Variants in TNS3 observed in about 807,000 individuals in gnomAD.
TNS3 encodes tensin 3, also known as tensin-3.
A neutral mutation model predicts 140.9 loss-of-function variants in TNS3; 45 were observed. The ratio of observed to expected loss-of-function variants is 0.32; its 90% CI spans 0.25 to 0.41. TNS3 has a LOEUF of 0.41. Ranked by LOEUF, TNS3 falls within the 10% of genes least tolerant of loss-of-function variation. The probability of loss-of-function intolerance (pLI) is 1.00; values close to 1 mark genes in which losing one functional copy is unlikely to be tolerated. For missense variants in TNS3, 1,716 were observed against 1,906.7 expected (o/e 0.90, Z 1.86); for synonymous variants, 815 against 788.4 (o/e 1.03, Z -0.56).
At chr7:47,502,654 C>T (rs1798270047) in intron 3 of TNS3, among the ~76,000 whole-genome samples, 1 of 152,206 alleles carries the variant, frequency 6.6e-6, no homozygotes, top group Non-Finnish European at 1.5e-5. Flanking sequence ...AGCAGCAAGC[C>T]TATCACAAAG....
chr7:47,294,328 T>G (rs936269395), intron 24 of TNS3, among the ~76,000 whole-genome samples: 3 of 152,142 alleles, frequency 2.0e-5, no homozygotes, highest in African/African-American at 7.2e-5. Context: ...AAGCAAGCAC[T>G]CAGCTGCACG....
At chr7:47,344,592 C>T (rs1241292166) in intron 20 of TNS3, among the ~76,000 whole-genome samples, 163 bp downstream of exon 20, 2 of 152,268 alleles carry the variant, frequency 1.3e-5, no homozygotes, top group African/African-American at 4.8e-5. Flanking sequence ...TTCACGGCCA[C>T]ATCCCTACAT....
chr7:47,312,878 T>G (rs1333973641), intron 20 of TNS3, among the ~76,000 whole-genome samples: 1 of 151,812 alleles, frequency 6.6e-6, no homozygotes, highest in African/African-American at 2.4e-5. Context: ...TAAAGTATAA[T>G]AATAATAAAA....
chr7:47,529,129 T>G lies in TNS3; in HGVS notation c.-246A>C, dbSNP rs1490579132. 1 of 1,282,152 alleles carries G rather than the reference T, an allele frequency of 7.8e-7. No individual in the cohort carries two copies. Among genetic ancestry groups the G allele is most frequent in the Non-Finnish European group, 1.0e-6 (1 of 986,380 alleles). 79.4% of individuals were successfully genotyped at this position (1,282,152 alleles called of 1,614,324 possible). ...GCCTTGTTCTTAAAAGCGTGCAGAC[T>G]CGAGGTTAATTCTTCCGGCTGAAAA... is the stretch of plus-strand genomic sequence containing the variant. On this transcript the variant is annotated 5_prime_UTR_variant, in exon 2 of 31. Transcript: ENST00000311160.
At chr7:47,557,957 A>G (rs1217992736) in intron 1 of TNS3, among the ~76,000 whole-genome samples, 3 of 152,188 alleles carry the variant, frequency 2.0e-5, no homozygotes, top group Non-Finnish European at 4.4e-5. Context: ...GCCTGCGGTG[A>G]GCAGGCCTCG....
chr7:47,405,173 GC>G (rs1296202816), intron 13 of TNS3, among the ~76,000 whole-genome samples: 1 of 152,176 alleles, frequency 6.6e-6, no homozygotes, highest in Non-Finnish European at 1.5e-5. Flanking sequence ...TAAGGTATCA[GC>G]CCCAGGAATG....
intron 1 of TNS3, among the ~76,000 whole-genome samples, chr7:47,557,415 G>A (rs1356802793): frequency 6.6e-6 from 1 of 152,156 alleles, no homozygotes; most frequent in Non-Finnish European, 1.5e-5. Flanking sequence ...CACCCATCTA[G>A]GGGGTGCTAT....
At chr7:47,542,653 C>A (rs112861341) in intron 1 of TNS3, among the ~76,000 whole-genome samples, 1 of 152,112 alleles carries the variant, frequency 6.6e-6, no homozygotes, top group African/African-American at 2.4e-5. Context: ...ACTTTACGGC[C>A]GAGCACGGTG....
At position 47,346,237 on chromosome 7, in the gene TNS3, C is replaced by A. The variant is rs1432678136; in HGVS notation, c.2401G>T (p.Asp801Tyr). 6.2e-7 allele frequency: 1 copy of A among 1,614,192 alleles called. No homozygotes were observed. Among genetic ancestry groups the A allele is most frequent in the South Asian group, 1.1e-5 (1 of 91,080 alleles). The change falls in exon 18 of 31, where the codon GAC (aspartate) becomes TAC (tyrosine). Residue 801 changes from aspartate to tyrosine, a missense_variant. By Grantham distance (160) the Asp-to-Tyr change is radical. Coordinates refer to ENST00000311160, the MANE Select transcript of TNS3 (RefSeq NM_022748.12). Reference protein sequence around the residue: ...SKCAWGKAGVDYAPNLPPFPS... With the variant: ...SKCAWGKAGVYYAPNLPPFPS... Reference sequence around the variant, plus strand: ...AATGGCGGCAGGTTTGGGGCATAGTCCACACCAGCCTTTCCCCATGCACAT... The same window carrying A: ...AATGGCGGCAGGTTTGGGGCATAGTACACACCAGCCTTTCCCCATGCACAT...
At chr7:47,313,050 A>C (rs180857192) in intron 20 of TNS3, among the ~76,000 whole-genome samples, 5 of 152,256 alleles carry the variant, frequency 3.3e-5, no homozygotes, top group South Asian at 2.1e-4. Context: ...GCAAATTACT[A>C]CTGCATGGAG....
intron 7 of TNS3, 95 bp downstream of exon 7, chr7:47,437,168 A>G: frequency 1.3e-6 from 1 of 778,982 alleles, no homozygotes; most frequent in Non-Finnish European, 2.1e-6. Flanking sequence ...TTATCAAGTC[A>G]CATTCCACAA....
intron 16 of TNS3, among the ~76,000 whole-genome samples, chr7:47,391,644 A>G (rs572612955): frequency 8.5e-5 from 13 of 152,322 alleles, no homozygotes; most frequent in African/African-American, 2.9e-4. Flanking sequence ...GGGGGTCCAG[A>G]GCTTTGCAGA....
chr7:47,463,981 C>T (rs368829808), intron 4 of TNS3, among the ~76,000 whole-genome samples: 3 of 152,160 alleles, frequency 2.0e-5, no homozygotes, highest in African/African-American at 7.2e-5. Flanking sequence ...ACCTGTTACT[C>T]TAACATTATT....
chr7:47,567,667 G>A (rs1002295503), intron 1 of TNS3, among the ~76,000 whole-genome samples: 1 of 134,234 alleles, frequency 7.4e-6, no homozygotes, highest in Non-Finnish European at 1.5e-5. Context: ...CTGGGCAACA[G>A]AGCGAGACTC....
At chr7:47,418,060 G>A (rs192327104) in intron 10 of TNS3, among the ~76,000 whole-genome samples, 80 of 152,320 alleles carry the variant, frequency 5.3e-4, no homozygotes, top group Non-Finnish European at 1.1e-3. Flanking sequence ...AGGCTGAGGT[G>A]GGAGGATCAC....
intron 3 of TNS3, among the ~76,000 whole-genome samples, chr7:47,497,194 G>C (rs1345452698): frequency 6.6e-6 from 1 of 152,172 alleles, no homozygotes; most frequent in African/African-American, 2.4e-5. Context: ...AATGCATAGT[G>C]ATTTATGCTA....
rs144012426 is a variant in TNS3, at chr7:47,469,973, C to CAAAAAAAAA, written c.-76+11121_-76+11129dup. 5.4e-4 allele frequency among the ~76,000 whole-genome samples: 35 copies of CAAAAAAAAA among 64,868 alleles called. 3 individuals are homozygous for CAAAAAAAAA. Among genetic ancestry groups the CAAAAAAAAA allele is most frequent in the African/African-American group, 2.6e-3 (32 of 12,204 alleles). The allele number at this position is 64,868 out of a possible 152,430, so 42.6% of individuals were successfully genotyped here. On this transcript the variant is annotated intron_variant, in intron 4 of 30. Coordinates refer to ENST00000311160, the MANE Select transcript of TNS3 (RefSeq NM_022748.12). ...TGGGCAACAGAATGAAACTCTGTCT[C>CAAAAAAAAA]AAAAAAAAAAAAAAAAAAAAAAAAT... is the stretch of plus-strand genomic sequence containing the variant.
chr7:47,482,562 C>T (rs986875227), intron 3 of TNS3, among the ~76,000 whole-genome samples: 10 of 152,102 alleles, frequency 6.6e-5, no homozygotes, highest in African/African-American at 2.4e-4. Context: ...ACAAGGAGAC[C>T]CCATGGTTAA....
Position 47,439,599 on chromosome 7 carries a change from G to A in TNS3, c.38C>T (p.Thr13Met), listed in dbSNP as rs367609737. The A allele has an allele frequency of 5.0e-6, 8 of 1,613,946 alleles. No homozygotes were observed. The highest frequency in any genetic ancestry group is 1.6e-4 in the Middle Eastern group (1 of 6,082). ...GAAGGACACAGCGATGATGCGCTCCGTGATGTAAGTGAGGTCCAGCCCATG... is the reference window on the plus strand; with the variant it reads ...GAAGGACACAGCGATGATGCGCTCCATGATGTAAGTGAGGTCCAGCCCATG... ...EGHGLDLTYI[T>M]ERIIAVSFPA... is the part of the protein sequence containing the mutation. The change falls in exon 6 of 31, where the codon ACG becomes ATG. Residue 13 changes from threonine to methionine, a missense_variant. Coordinates refer to ENST00000311160, the MANE Select transcript of TNS3 (RefSeq NM_022748.12).
Sources: allele counts gnomAD v4.1 joint callset (sites outside exome capture counted in the v4.1 genomes callset), GRCh38; gene constraint gnomAD v4.1.1; transcripts MANE v1.5; gene names NCBI Gene and HGNC (gene_info 2026-07-23, HGNC 2026-07-21).